SMG1: variants seen among roughly 807,000 people sequenced by gnomAD.
The protein encoded by SMG1 is serine/threonine-protein kinase SMG1.
Under a neutral mutation model 419.9 loss-of-function variants are expected in SMG1, and 22 were observed. That is an observed-to-expected ratio of 0.05 (90% confidence interval 0.04 to 0.07). The LOEUF (loss-of-function observed/expected upper bound fraction) is 0.07, where lower values mean the gene tolerates loss of function less well. SMG1 is among the 10% of genes least tolerant of loss of function. The pLI is 1.00. For missense variants in SMG1, 3,185 were observed against 4,342.0 expected, an observed-to-expected ratio of 0.73 and a Z score of 7.49; for synonymous variants, 1,538 against 1,553.5, an observed-to-expected ratio of 0.99 and a Z score of 0.23.
intron 33 of SMG1, among the ~76,000 whole-genome samples, chr16:18,851,758 G>T (rs2034615326): frequency 6.6e-6 from 1 of 152,016 alleles, no homozygotes. Flanking sequence ...GGCCAGGCTG[G>T]TCTCGAACTC....
chr16:18,908,255 C>G (rs1164436065), intron 1 of SMG1, among the ~76,000 whole-genome samples: 2 of 151,660 alleles, frequency 1.3e-5, no homozygotes, highest in Non-Finnish European at 2.9e-5. Flanking sequence ...GTAATCCCAG[C>G]TACTCGGGAG....
At chr16:18,812,589 CAT>C (rs763532858) in intron 60 of SMG1, among the ~76,000 whole-genome samples, 1,932 of 149,284 alleles carry the variant, frequency 0.013, 54 homozygotes, top group African/African-American at 0.045. Context: ...CATATATATA[CAT>C]ATATATACAC....
intron 5 of SMG1, among the ~76,000 whole-genome samples, 177 bp from the exon 6 acceptor site, chr16:18,889,762 T>C (rs2036795948): frequency 6.6e-6 from 1 of 152,232 alleles, no homozygotes; most frequent in Non-Finnish European, 1.5e-5. Context: ...CTAGCCTGCA[T>C]TGCCCTCAAG....
Position 18,859,041 on chromosome 16 carries a change from G to T in SMG1, c.4094C>A (p.Ser1365Tyr). The change falls in exon 28 of 63, where the codon TCT (serine) becomes TAT (tyrosine). Residue 1365 changes from serine (S) to tyrosine (Y), a missense_variant. Ser to Tyr is a moderately radical substitution (Grantham distance 144). This residue lies in a region of SMG1 where 493 missense variants were observed against 552.9 expected (regional missense o/e 0.89). Transcript: ENST00000446231. The part of the protein sequence containing the change: ...YCSSALENTV[S>Y]NRLSTEDCLI... ...ACAGACCTCTGTTGAAAGTCTGTTAGAAACTGTGTTCTCCAAAGCAGATGA... is the reference window on the plus strand; with the variant it reads ...ACAGACCTCTGTTGAAAGTCTGTTATAAACTGTGTTCTCCAAAGCAGATGA... 5.2e-6 allele frequency: 8 copies of T among 1,532,674 alleles called. No homozygotes were observed. The South Asian group carries it at 8.4e-5, about 16-fold the overall frequency. The allele number at this position is 1,532,674 out of a possible 1,614,324, so 94.9% of individuals were successfully genotyped here. A position where few individuals can be genotyped will look rare whatever the true frequency, so the allele number is the denominator to read the frequency against.
chr16:18,892,091 T>C, intron 4 of SMG1, 127 bp downstream of exon 4: 1 of 722,880 alleles, frequency 1.4e-6, no homozygotes, highest in Non-Finnish European at 2.4e-6. Context: ...AATTACATAT[T>C]AGAGAGCATT....
intron 51 of SMG1, among the ~76,000 whole-genome samples, chr16:18,832,582 GCACACACACACA>G (rs3222694): frequency 1.7e-4 from 25 of 148,282 alleles, no homozygotes; most frequent in African/African-American, 5.5e-4. Flanking sequence ...CTATACACTT[GCACACACACACA>G]CACACACACA....
intron 39 of SMG1, 85 bp from the exon 40 acceptor site, chr16:18,842,539 T>C (rs945591544): frequency 7.1e-7 from 1 of 1,400,436 alleles, no homozygotes; most frequent in Non-Finnish European, 9.7e-7. Context: ...TAAAAGTAAA[T>C]TTTAGGTCAC....
rs139278024 is a variant in SMG1, at chr16:18,809,721, C to A, written c.10909-75G>T. On this transcript the variant is annotated intron_variant, in intron 62 of 62. Transcript: ENST00000446231. ...TGTCTGCTGAATTACAATCAGCAGACAAATTATGCCAAAAGTTAAGTGCAA... is the reference window on the plus strand; with the variant it reads ...TGTCTGCTGAATTACAATCAGCAGAAAAATTATGCCAAAAGTTAAGTGCAA... 174 of 1,170,008 alleles carry A rather than the reference C, an allele frequency of 1.5e-4. 1 individual carries two copies. In the East Asian group the frequency reaches 4.1e-3, roughly 28 times the overall value. The allele number at this position is 1,170,008 out of a possible 1,614,324, so 72.5% of individuals were successfully genotyped here.
At chr16:18,885,845 C>T (rs1402765594) in intron 6 of SMG1, among the ~76,000 whole-genome samples, 179 bp from the exon 7 acceptor site, 3 of 151,866 alleles carry the variant, frequency 2.0e-5, no homozygotes. Context: ...ACCTGGGAGG[C>T]TGAGACACAA....
Position 18,885,007 on chromosome 16 carries a change from AATGGTATTGATAG to A in SMG1, c.1021+70_1021+82del, listed in dbSNP as rs1384586504. 3 of 653,294 alleles carry A rather than the reference AATGGTATTGATAG, an allele frequency of 4.6e-6. No homozygotes were observed. The African/African-American group carries it at 5.5e-5, about 12-fold the overall frequency. The allele number at this position is 653,294 out of a possible 1,614,324, so 40.5% of individuals were successfully genotyped here. On this transcript the variant is annotated intron_variant, in intron 8 of 62. Transcript: ENST00000446231. Reference sequence around the variant, plus strand: ...ATTAGTTTTCTTGCATTATTAAAGAAATGGTATTGATAGATGGTCACTGGGGGACCACTGCTCC... The same window carrying A: ...ATTAGTTTTCTTGCATTATTAAAGAAATGGTCACTGGGGGACCACTGCTCC...
intron 58 of SMG1, chr16:18,815,915 CTA>C: frequency 4.1e-6 from 2 of 485,142 alleles, no homozygotes; most frequent in Admixed American, 3.8e-5. Context: ...ACTTACTAGA[CTA>C]TGTACAACAC....
intron 50 of SMG1, 105 bp from the exon 51 acceptor site, chr16:18,833,271 C>A: frequency 1.4e-6 from 1 of 691,024 alleles, no homozygotes; most frequent in Non-Finnish European, 2.4e-6. Context: ...TGTAACTATG[C>A]CATCAACTCA....
chr16:18,926,024 CG>C lies in SMG1; in HGVS notation c.17del (p.Pro6ArgfsTer5). On this transcript the variant is annotated frameshift_variant, in exon 1 of 63. Transcript: ENST00000446231. LOFTEE classifies it high-confidence loss of function. MSRRA[P>X]GSRLSSGGGG... ...CGCCGCCGCTGCTCAGCCGAGACCC[CG>C]GGGCTCTGCGGCTCATTACCTTCCC... 6.3e-7 allele frequency: 1 copy of C among 1,575,388 alleles called. No homozygotes were observed. Among genetic ancestry groups the C allele is most frequent in the Non-Finnish European group, 8.6e-7 (1 of 1,168,698 alleles).
At chr16:18,922,919 A>C (rs1484272950) in intron 1 of SMG1, among the ~76,000 whole-genome samples, 1 of 152,166 alleles carries the variant, frequency 6.6e-6, no homozygotes, top group African/African-American at 2.4e-5. Flanking sequence ...CCATCTCTAC[A>C]AAAAATACAA....
intron 38 of SMG1, among the ~76,000 whole-genome samples, chr16:18,847,092 C>T (rs953724459): frequency 2.0e-5 from 3 of 152,068 alleles, no homozygotes; most frequent in African/African-American, 7.2e-5. Flanking sequence ...AATAAACCTT[C>T]GGGCCATTAT....
chr16:18,809,768 T>C, intron 62 of SMG1, 122 bp from the exon 63 acceptor site: 3 of 660,034 alleles, frequency 4.5e-6, no homozygotes, highest in Non-Finnish European at 8.1e-6. Flanking sequence ...CTTACCCTGC[T>C]CCTGTAAGCC....
At chr16:18,837,817 T>C (rs1459685399) in intron 45 of SMG1, among the ~76,000 whole-genome samples, 197 bp downstream of exon 45, 4 of 152,360 alleles carry the variant, frequency 2.6e-5, no homozygotes, top group Non-Finnish European at 5.9e-5. Flanking sequence ...GAGTGTGGAA[T>C]GTAACTGTGC....
rs372184477 is a variant in SMG1 at position 18,836,059 on chromosome 16, T to A, written c.7931A>T (p.Tyr2644Phe). 5.0e-6 allele frequency: 8 copies of A among 1,603,728 alleles called. No individual in the cohort carries two copies. In the African/African-American group the frequency reaches 1.1e-4, roughly 21 times the overall value. The change falls in exon 48 of 63, where the codon TAT (tyrosine) becomes TTT (phenylalanine). Residue 2644 changes from tyrosine to phenylalanine, a missense_variant. Coordinates refer to ENST00000446231, the MANE Select transcript of SMG1 (RefSeq NM_015092.5). ...CGGATACTGCAGGGCCACGGTTGCA[T>A]AGTGATGCAGTTGCTCCAGACAGCC... is the stretch of plus-strand genomic sequence containing the variant. ...LRGCLEQLHH[Y>F]ATVALQYPKA...
intron 1 of SMG1, among the ~76,000 whole-genome samples, chr16:18,919,665 C>T (rs1447499308): frequency 0.043 from 3,521 of 82,490 alleles, 73 homozygotes; most frequent in Non-Finnish European, 0.052. Context: ...TATACACACA[C>T]ACACACACAC....
Sources: gnomAD v4.1 joint callset for allele counts (sites outside exome capture counted in the v4.1 genomes callset) on GRCh38, gnomAD v4.1.1 for gene constraint, gnomAD v4.1.1 regional missense constraint, MANE v1.5 for transcripts, NCBI Gene and HGNC (gene_info 2026-07-23, HGNC 2026-07-21) for gene names.